The following THBS3 variants were observed in gnomAD, a reference collection of about 807,000 sequenced individuals.
The protein encoded by THBS3 is thrombospondin-3.
A neutral mutation model predicts 118.3 loss-of-function variants in THBS3; 78 were observed. The observed-to-expected ratio is 0.66, with a 90% CI of 0.55 to 0.80. The LOEUF (loss-of-function observed/expected upper bound fraction) is 0.80. Among genes scored for constraint, THBS3 ranks in the 30% least tolerant of loss-of-function variants. THBS3 has a pLI of 0.00. For missense variants in THBS3, 1,057 were observed against 1,247.4 expected (o/e 0.85, Z 2.30); for synonymous variants, 427 against 475.3 (o/e 0.90, Z 1.32).
intron 14 of THBS3, 125 bp from the exon 15 acceptor site, chr1:155,200,238 C>T: frequency 9.5e-7 from 1 of 1,054,972 alleles, no homozygotes; most frequent in Non-Finnish European, 1.4e-6. Context: ...CTGCCTGTTT[C>T]TTGTCTCACC....
intron 2 of THBS3, among the ~76,000 whole-genome samples, chr1:155,205,650 C>T (rs1005312203): frequency 2.0e-5 from 3 of 152,098 alleles, no homozygotes; most frequent in Admixed American, 6.5e-5. Flanking sequence ...TGGTGGTGGG[C>T]ACCTGTAGTC....
chr1:155,200,262 TCTGC>T, intron 14 of THBS3, 149 bp from the exon 15 acceptor site: 10 of 989,890 alleles, frequency 1.0e-5, no homozygotes, highest in Non-Finnish European at 1.5e-5. Flanking sequence ...TAGTCCACAC[TCTGC>T]CTAACACTAC....
chr1:155,201,105 G>A lies in THBS3; in HGVS notation c.1429C>T (p.His477Tyr), dbSNP rs1423112910. 21 of 1,614,214 alleles carry A rather than the reference G, an allele frequency of 1.3e-5. No individual in the cohort carries two copies. Among genetic ancestry groups the A allele is most frequent in the Non-Finnish European group, 1.7e-5 (20 of 1,180,034 alleles). Reference protein sequence around the residue: ...QALPCMDNNKHCKQDNCLLTP... With the variant: ...QALPCMDNNKYCKQDNCLLTP... ...CCTGCTCCCTGCACCTGTTTGCAGT[G>A]TTTGTTGTTGTCCATGCAGGGCAGT... Residue 477 changes from histidine (H) to tyrosine (Y), a missense_variant, in exon 12 of 23, where the codon CAC becomes TAC. Physicochemically the swap from His to Tyr is moderately conservative, Grantham distance 83. This residue lies in a region of THBS3 where 544 missense variants were observed against 715.6 expected (regional missense o/e 0.76). Coordinates refer to ENST00000368378, the MANE Select transcript of THBS3 (RefSeq NM_007112.5).
At position 155,205,232 on chromosome 1, in the gene THBS3, G is replaced by A. The variant is rs772803086; in HGVS notation, c.371C>T (p.Thr124Ile). 4.3e-6 allele frequency: 7 copies of A among 1,614,024 alleles called. No homozygotes were observed. The highest frequency in any genetic ancestry group is 5.9e-6 in the Non-Finnish European group (7 of 1,180,018). ...QAGLADGRTH[T>I]VLLRLRGPSR... ...GGGACCTCGGAGTCGCAGGAGAACT[G>A]TGTGTGTGCGCCCATCAGCCAGGCC... The change falls in exon 3 of 23, where the codon ACA (threonine) becomes ATA (isoleucine). Residue 124 changes from threonine to isoleucine, a missense_variant. By Grantham distance (89) the Thr-to-Ile change is moderately conservative. Transcript: ENST00000368378.
chr1:155,196,083 C>T lies in THBS3; in HGVS notation c.2716G>A (p.Val906Met), dbSNP rs1668618543. 1.9e-6 allele frequency: 3 copies of T among 1,614,046 alleles called. No individual in the cohort carries two copies. The highest frequency in any genetic ancestry group is 1.7e-6 in the Non-Finnish European group (2 of 1,180,048). Residue 906 changes from valine to methionine, a missense_variant, in exon 22 of 23, where the codon GTG becomes ATG. Physicochemically the swap from Val to Met is conservative, Grantham distance 21. Transcript: ENST00000368378. ...CCTCGCATGGATGTGTCAATGATCA[C>T]CCCAGAATCCGCCACAAGCTGGGGT... ...EGPQLVADSG[V>M]IIDTSMRGGR...
At chr1:155,203,416 C>T in intron 5 of THBS3, 97 bp downstream of exon 5, 1 of 1,590,222 alleles carries the variant, frequency 6.3e-7, no homozygotes, top group East Asian at 2.3e-5. Flanking sequence ...TTTAAACCTA[C>T]TACATTCCTG....
chr1:155,205,040 A>G lies in THBS3; in HGVS notation c.543+20T>C. On this transcript the variant is annotated intron_variant, in intron 3 of 22. Coordinates refer to ENST00000368378, the MANE Select transcript of THBS3 (RefSeq NM_007112.5). ...TGCAAACTCTATTTCCACAGAACTCAGAGGCTCCTCCCGGCTCACCTGCAT... is the reference window on the plus strand; with the variant it reads ...TGCAAACTCTATTTCCACAGAACTCGGAGGCTCCTCCCGGCTCACCTGCAT... 2.5e-6 allele frequency: 4 copies of G among 1,612,988 alleles called. No individual in the cohort carries two copies. The highest frequency in any genetic ancestry group is 3.4e-6 in the Non-Finnish European group (4 of 1,179,214).
chr1:155,203,248 T>A lies in THBS3; in HGVS notation c.731A>T (p.Glu244Val). 6.2e-7 allele frequency: 1 copy of A among 1,614,122 alleles called. No individual in the cohort carries two copies. ...QLTLFNQILV[E>V]LRDDIRDQVK... is the part of the protein sequence containing the mutation. The stretch of plus-strand genomic sequence containing the variant: ...CTGGTCTCGTATATCATCCCGCAGC[T>A]CCACCAGGATCTGGTTGAAGAGGGT... The change falls in exon 6 of 23, where the codon GAG becomes GTG. Residue 244 changes from glutamate to valine, a missense_variant. Physicochemically the swap from Glu to Val is moderately radical, Grantham distance 121. This residue lies in a region of THBS3 where 544 missense variants were observed against 715.6 expected (regional missense o/e 0.76). Transcript: ENST00000368378.
At chr1:155,208,150 TG>T (rs1432522395), upstream of THBS3, among the ~76,000 whole-genome samples, 2 of 152,030 alleles carry the variant, frequency 1.3e-5, no homozygotes, top group African/African-American at 4.8e-5. Context: ...CAGTCATCAT[TG>T]TTGGGGGTCT....
chr1:155,208,720 T>C (rs1670891413), upstream of THBS3: 46 of 742,960 alleles, frequency 6.2e-5, no homozygotes, highest in Non-Finnish European at 7.1e-5. Flanking sequence ...CGGCCTCCGC[T>C]CCGGCCGCCG....
chr1:155,205,308 G>T lies in THBS3; in HGVS notation c.295C>A (p.Arg99=), dbSNP rs139181795. 1 of 1,613,714 alleles carries T rather than the reference G, an allele frequency of 6.2e-7. No homozygotes were observed. The highest frequency in any genetic ancestry group is 8.5e-7 in the Non-Finnish European group (1 of 1,179,910). The change falls in exon 3 of 23, where the codon CGA becomes AGA. Residue 99 remains arginine (R), a synonymous_variant. Coordinates refer to ENST00000368378, the MANE Select transcript of THBS3 (RefSeq NM_007112.5). ...ACTTTGCCATCCTCCCGCTGGTATCGCACCAGTACTGCCCAGGAGGGGAGA... is the reference window on the plus strand; with the variant it reads ...ACTTTGCCATCCTCCCGCTGGTATCTCACCAGTACTGCCCAGGAGGGGAGA... ...VVGKINKVLV[R]YQREDGKVHA... is the part of the protein sequence containing the mutation.
At chr1:155,201,733 T>C in intron 10 of THBS3, 164 bp from the exon 11 acceptor site, 1 of 988,316 alleles carries the variant, frequency 1.0e-6, no homozygotes, top group Non-Finnish European at 1.5e-6. Context: ...GATAACAGCC[T>C]CAGTTTTCAG....
chr1:155,196,241 A>G, intron 21 of THBS3, 115 bp from the exon 22 acceptor site: 2 of 1,270,742 alleles, frequency 1.6e-6, no homozygotes, highest in Non-Finnish European at 2.2e-6. Flanking sequence ...ACCAGGCCTG[A>G]GAGAGAAGGG....
At chr1:155,204,719 A>T in intron 4 of THBS3, 136 bp downstream of exon 4, 1 of 804,188 alleles carries the variant, frequency 1.2e-6, no homozygotes, top group Non-Finnish European at 2.1e-6. Flanking sequence ...AAAGATTTGG[A>T]ATAACAGGGT....
At chr1:155,201,719 G>C (rs561189899) in intron 10 of THBS3, 150 bp from the exon 11 acceptor site, 8 of 1,024,654 alleles carry the variant, frequency 7.8e-6, no homozygotes, top group South Asian at 1.6e-5. Flanking sequence ...AACCTTTCAG[G>C]GTGGATAACA....
intron 1 of THBS3, among the ~76,000 whole-genome samples, chr1:155,207,335 G>C (rs1342046562): frequency 6.6e-6 from 1 of 152,192 alleles, no homozygotes; most frequent in East Asian, 1.9e-4. Flanking sequence ...ATCTGCTCCA[G>C]CTACCTCTCC....
In THBS3 at chr1:155,198,453, T is replaced by A; in HGVS notation, c.2030A>T (p.Asp677Val). 1 of 1,614,168 alleles carries A rather than the reference T, an allele frequency of 6.2e-7. No homozygotes were observed. Among genetic ancestry groups the A allele is most frequent in the East Asian group, 2.2e-5 (1 of 44,890 alleles). Residue 677 changes from aspartate to valine, a missense_variant, in exon 17 of 23, where the codon GAT (aspartate) becomes GTT (valine). Transcript: ENST00000368378. ...GIPDYVPPGP[D>V]NCRLVPNPNQ... is the part of the protein sequence containing the mutation. ...GGGATTGGGTACCAGGCGGCAGTTATCGGGACCAGGAGGCACATAATCTGG... is the reference window on the plus strand; with the variant it reads ...GGGATTGGGTACCAGGCGGCAGTTAACGGGACCAGGAGGCACATAATCTGG...
At position 155,202,483 on chromosome 1, in the gene THBS3, C is replaced by T; in HGVS notation, c.958-82G>A. The T allele has an allele frequency of 6.4e-7, 1 of 1,555,252 alleles. No homozygotes were observed. Among genetic ancestry groups the T allele is most frequent in the Non-Finnish European group, 8.7e-7 (1 of 1,150,116 alleles). ...TGCCTGTGATCCAGGAACCATTGCT[C>T]CAGGTCTCCCCTTTGTGCAGCTCTC... On this transcript the variant is annotated intron_variant, in intron 8 of 22. Transcript: ENST00000368378. The surrounding 1 kb of genome is among the most constrained non-coding windows in gnomAD (Gnocchi z 5.5).
Position 155,196,094 on chromosome 1 carries a change from G to T in THBS3, c.2705C>A (p.Ala902Glu). Reference sequence around the variant, plus strand: ...TGTGTCAATGATCACCCCAGAATCCGCCACAAGCTGGGGTCCCTCATAGAG... The same window carrying T: ...TGTGTCAATGATCACCCCAGAATCCTCCACAAGCTGGGGTCCCTCATAGAG... ...VKLYEGPQLV[A>E]DSGVIIDTSM... The change falls in exon 22 of 23, where the codon GCG (alanine) becomes GAG (glutamate). Residue 902 changes from alanine (A) to glutamate (E), a missense_variant. Transcript: ENST00000368378. 3 of 1,614,156 alleles carry T rather than the reference G, an allele frequency of 1.9e-6. No homozygotes were observed. Among genetic ancestry groups the T allele is most frequent in the South Asian group, 1.1e-5 (1 of 91,080 alleles).
Sources: gnomAD v4.1 joint callset for allele counts (sites outside exome capture counted in the v4.1 genomes callset) on GRCh38, gnomAD v4.1.1 for gene constraint, gnomAD v4.1.1 regional missense constraint, Gnocchi (gnomAD v3.1) non-coding constraint, MANE v1.5 for transcripts, NCBI Gene and HGNC (gene_info 2026-07-23, HGNC 2026-07-21) for gene names.